Variants in CNTNAP5 observed in about 807,000 individuals in gnomAD.
CNTNAP5 encodes the protein contactin associated protein family member 5, also known as contactin-associated protein-like 5.
Under a neutral mutation model 150.2 loss-of-function variants are expected in CNTNAP5, and 72 were observed. That is an observed-to-expected ratio of 0.48 (90% CI 0.40 to 0.58). The LOEUF is 0.58. CNTNAP5 is among the 20% of genes least tolerant of loss of function. The pLI is 0.00. For synonymous variants in CNTNAP5, 672 were observed against 619.8 expected, an observed-to-expected ratio of 1.08 and a Z score of -1.25; for missense variants, 1,636 against 1,626.2, an observed-to-expected ratio of 1.01 and a Z score of -0.10.
chr2:124,796,179 G>A, intron 18 of CNTNAP5, among the ~76,000 whole-genome samples: 1 of 152,134 alleles, frequency 6.6e-6, no homozygotes, highest in East Asian at 1.9e-4. Flanking sequence ...AGTGACAACA[G>A]AAATTTGGTT....
chr2:124,052,699 A>G (rs1681731208), intron 1 of CNTNAP5, among the ~76,000 whole-genome samples: 1 of 152,162 alleles, frequency 6.6e-6, no homozygotes, highest in Admixed American at 6.5e-5. Flanking sequence ...TATAAAATGG[A>G]TACCTGTGCG....
chr2:124,121,593 C>A (rs1683562869), intron 1 of CNTNAP5, among the ~76,000 whole-genome samples: 1 of 152,116 alleles, frequency 6.6e-6, no homozygotes, highest in African/African-American at 2.4e-5. Flanking sequence ...CAAGTAATAG[C>A]AAATGTCGCT....
At chr2:124,155,985 C>G (rs1026462397) in intron 1 of CNTNAP5, among the ~76,000 whole-genome samples, 26 of 152,308 alleles carry the variant, frequency 1.7e-4, no homozygotes, top group Admixed American at 7.2e-4. Context: ...GCGTGGCCAG[C>G]CACCCTCACC....
chr2:124,131,354 G>A (rs1683838525), intron 1 of CNTNAP5, among the ~76,000 whole-genome samples: 4 of 152,146 alleles, frequency 2.6e-5, no homozygotes, highest in Admixed American at 2.6e-4. Flanking sequence ...GCCATGAGAT[G>A]CTTCCCCCAG....
At chr2:124,472,546 A>G (rs1693541333) in intron 6 of CNTNAP5, among the ~76,000 whole-genome samples, 1 of 150,880 alleles carries the variant, frequency 6.6e-6, no homozygotes, top group African/African-American at 2.4e-5. Flanking sequence ...TATTAATTAT[A>G]TTGAATAAGG....
chr2:124,647,100 C>T (rs1013348149), intron 12 of CNTNAP5, among the ~76,000 whole-genome samples: 1 of 152,246 alleles, frequency 6.6e-6, no homozygotes, highest in African/African-American at 2.4e-5. Context: ...CACTGCCTTA[C>T]CTTCTTTCGC....
chr2:124,829,243 G>C lies in CNTNAP5; in HGVS notation c.3217+30923G>C, dbSNP rs140733227. 5.3e-5 allele frequency among the ~76,000 whole-genome samples: 8 copies of C among 152,144 alleles called. No individual in the cohort carries two copies. In the East Asian group the frequency reaches 1.5e-3, roughly 29 times the overall value. ...TGGCAAGCTGAAAAGGGCCAAAAGGGCTTCTTCCCTTTGCCATTTTGTCTC... is the reference window on the plus strand; with the variant it reads ...TGGCAAGCTGAAAAGGGCCAAAAGGCCTTCTTCCCTTTGCCATTTTGTCTC... On this transcript the variant is annotated intron_variant, in intron 19 of 23. Transcript: ENST00000682447.
intron 3 of CNTNAP5, among the ~76,000 whole-genome samples, chr2:124,304,831 A>G (rs1415102435): frequency 1.3e-5 from 2 of 152,040 alleles, no homozygotes; most frequent in Non-Finnish European, 2.9e-5. Context: ...TTCAACCTCC[A>G]TTGTTTGTGC....
At chr2:124,670,133 T>TTCCTTCCTTCCTTCC (rs1678782839) in intron 13 of CNTNAP5, among the ~76,000 whole-genome samples, 1 of 112,510 alleles carries the variant, frequency 8.9e-6, no homozygotes, top group Non-Finnish European at 1.9e-5. Flanking sequence ...TCCTTCCTTC[T>TTCCTTCCTTCCTTCC]TTCCTTCCTT....
chr2:124,751,561 T>C (rs1680728039), intron 14 of CNTNAP5, among the ~76,000 whole-genome samples: 2 of 152,228 alleles, frequency 1.3e-5, no homozygotes, highest in Non-Finnish European at 2.9e-5. Context: ...ACTTGTGAAA[T>C]AGTTAATCAA....
At chr2:124,776,283 T>C (rs1305733692) in intron 17 of CNTNAP5, among the ~76,000 whole-genome samples, 1 of 146,098 alleles carries the variant, frequency 6.8e-6, no homozygotes, top group Non-Finnish European at 1.5e-5. Flanking sequence ...CCCATGGGCC[T>C]ATTTTTTTTT....
chr2:124,723,549 A>C (rs1210700172), intron 13 of CNTNAP5, among the ~76,000 whole-genome samples: 1 of 152,174 alleles, frequency 6.6e-6, no homozygotes, highest in Admixed American at 6.5e-5. Flanking sequence ...CCCTGTATCA[A>C]ATCTGGTTTC....
chr2:124,423,652 C>CCTTT (rs1692167581), intron 4 of CNTNAP5, among the ~76,000 whole-genome samples: 4 of 41,592 alleles, frequency 9.6e-5, no homozygotes, highest in Admixed American at 4.7e-4. Context: ...GGCTAATTAA[C>CCTTT]TTTTTTTTTT....
At chr2:124,620,846 A>T (rs1215892847) in intron 12 of CNTNAP5, among the ~76,000 whole-genome samples, 1 of 152,040 alleles carries the variant, frequency 6.6e-6, no homozygotes, top group Non-Finnish European at 1.5e-5. Flanking sequence ...TCATGGTGTG[A>T]TTATTAATTG....
chr2:124,285,576 G>T (rs908156776), intron 3 of CNTNAP5, among the ~76,000 whole-genome samples: 7 of 152,006 alleles, frequency 4.6e-5, no homozygotes, highest in African/African-American at 1.7e-4. Context: ...GAAGAGGTTG[G>T]CTAGCTTGAG....
In CNTNAP5 at chr2:124,291,412, TATTA is replaced by T. The variant is rs768641982; in HGVS notation, c.381+49026_381+49029del. On this transcript the variant is annotated intron_variant, in intron 3 of 23. Coordinates refer to ENST00000682447, the MANE Select transcript of CNTNAP5 (RefSeq NM_001367498.1). ...TATTGCTATTACAAATACTGGCAAC[TATTA>T]ATTAATATTTTCAGTCTGTATGTAA... Among the ~76,000 whole-genome samples, 321 of 152,222 alleles carry T rather than the reference TATTA, an allele frequency of 2.1e-3. 2 individuals are homozygous for T. The highest frequency in any genetic ancestry group is 6.9e-3 in the African/African-American group (286 of 41,566).
intron 3 of CNTNAP5, among the ~76,000 whole-genome samples, chr2:124,267,620 C>G (rs1573878878): frequency 6.6e-6 from 1 of 152,054 alleles, no homozygotes; most frequent in African/African-American, 2.4e-5. Flanking sequence ...TAGGGGAGAA[C>G]ATTTTGATAC....
At chr2:124,472,910 C>T (rs1296135858) in intron 6 of CNTNAP5, among the ~76,000 whole-genome samples, 1 of 151,816 alleles carries the variant, frequency 6.6e-6, no homozygotes, top group African/African-American at 2.4e-5. Context: ...TCATGAAAAC[C>T]ACAAAATCTG....
chr2:124,608,505 C>T (rs1302157060), intron 11 of CNTNAP5, among the ~76,000 whole-genome samples: 2 of 152,134 alleles, frequency 1.3e-5, no homozygotes, highest in Admixed American at 6.6e-5. Context: ...GATTTATTGC[C>T]TCCTCCATGG....
Sources: gnomAD v4.1 joint callset for allele counts (sites outside exome capture counted in the v4.1 genomes callset) on GRCh38, gnomAD v4.1.1 for gene constraint, MANE v1.5 for transcripts, NCBI Gene and HGNC (gene_info 2026-07-23, HGNC 2026-07-21) for gene names.